The following ARID4B variants were observed in gnomAD, a reference collection of about 807,000 sequenced individuals.
ARID4B encodes the protein AT-rich interactive domain-containing protein 4B.
A neutral mutation model predicts 147.5 loss-of-function variants in ARID4B; 26 were observed. The observed-to-expected ratio is 0.18, with a 90% CI of 0.13 to 0.24. The LOEUF (loss-of-function observed/expected upper bound fraction) is 0.24, where lower values mean the gene tolerates loss of function less well. Ranked by LOEUF, ARID4B falls within the 10% of genes least tolerant of loss-of-function variation. ARID4B has a pLI of 1.00. For missense variants in ARID4B, 1,179 were observed against 1,511.5 expected (o/e 0.78, Z 3.65); for synonymous variants, 512 against 507.9 (o/e 1.01, Z -0.11).
intron 2 of ARID4B, among the ~76,000 whole-genome samples, chr1:235,277,633 T>C (rs1671421427): frequency 8.7e-6 from 1 of 114,770 alleles, no homozygotes. Context: ...TGTGTGTGTG[T>C]GTGTGTGTTT....
chr1:235,235,611 CAAGGTGAAGCTTTA>C (rs1273198110), intron 8 of ARID4B, among the ~76,000 whole-genome samples: 1 of 151,994 alleles, frequency 6.6e-6, no homozygotes, highest in Non-Finnish European at 1.5e-5. Context: ...GCTATCTCTG[CAAGGTGAAGCTTTA>C]AAAGGAGATG....
At position 235,175,367 on chromosome 1, in the gene ARID4B, C is replaced by T; in HGVS notation, c.3481G>A (p.Gly1161Ser). The T allele has an allele frequency of 6.2e-7, 1 of 1,614,002 alleles. No homozygotes were observed. Among genetic ancestry groups the T allele is most frequent in the Non-Finnish European group, 8.5e-7 (1 of 1,179,928 alleles). The change falls in exon 22 of 24, where the codon GGT (glycine) becomes AGT (serine). Residue 1161 changes from glycine (G) to serine (S), a missense_variant. Transcript: ENST00000264183. ...NSSDSEELSA[G>S]ESITKSQPVK... ...GGCTGACTCTTAGTTATACTTTCAC[C>T]AGCTGAAAGTTCTTCACTATCACTA... is the stretch of plus-strand genomic sequence containing the variant.
chr1:235,231,959 G>C (rs1041494012), intron 9 of ARID4B, among the ~76,000 whole-genome samples: 2 of 152,126 alleles, frequency 1.3e-5, no homozygotes, highest in African/African-American at 4.8e-5. Context: ...AACTAAAAAA[G>C]TAAGCAAAGA....
At chr1:235,298,570 C>G (rs1202167953) in intron 2 of ARID4B, among the ~76,000 whole-genome samples, 2 of 147,512 alleles carry the variant, frequency 1.4e-5, no homozygotes, top group African/African-American at 5.0e-5. Context: ...TTATATATAT[C>G]CATATATATG....
chr1:235,224,833 GC>G, intron 11 of ARID4B, 58 bp from the exon 12 acceptor site: 1 of 1,228,642 alleles, frequency 8.1e-7, no homozygotes, highest in South Asian at 1.3e-5. Context: ...AATAAAACAA[GC>G]AGATTTCTTA....
At chr1:235,202,454 TAACAA>T (rs1666008451) in intron 17 of ARID4B, among the ~76,000 whole-genome samples, 2 of 150,352 alleles carry the variant, frequency 1.3e-5, no homozygotes, top group South Asian at 2.1e-4. Context: ...AACATTCAAC[TAACAA>T]AACATAAAAT....
At chr1:235,202,326 T>C (rs926621062) in intron 17 of ARID4B, among the ~76,000 whole-genome samples, 2 of 151,936 alleles carry the variant, frequency 1.3e-5, no homozygotes, top group African/African-American at 4.8e-5. Flanking sequence ...TCAATGTAAT[T>C]AATTCTACAG....
At chr1:235,181,025 G>T in intron 20 of ARID4B, 1 of 735,590 alleles carries the variant, frequency 1.4e-6, no homozygotes, top group Non-Finnish European at 1.7e-6. Context: ...CCTTCAATTT[G>T]GAAGCTATGC....
At chr1:235,257,377 A>C in intron 3 of ARID4B, 152 bp from the exon 4 acceptor site, 3 of 559,698 alleles carry the variant, frequency 5.4e-6, no homozygotes, top group Non-Finnish European at 9.4e-6. Flanking sequence ...TAACTAAAAA[A>C]TTATTTACAG....
At chr1:235,291,956 A>T (rs1672366075) in intron 2 of ARID4B, among the ~76,000 whole-genome samples, 1 of 152,212 alleles carries the variant, frequency 6.6e-6, no homozygotes, top group African/African-American at 2.4e-5. Context: ...CAATGACTGT[A>T]CAGAAAGAAG....
At chr1:235,241,413 A>G (rs1487683289) in intron 7 of ARID4B, among the ~76,000 whole-genome samples, 1 of 152,242 alleles carries the variant, frequency 6.6e-6, no homozygotes, top group African/African-American at 2.4e-5. Context: ...TTAGTATACT[A>G]TCTAGTATAC....
At chr1:235,314,201 A>G (rs570285336) in intron 2 of ARID4B, among the ~76,000 whole-genome samples, 1 of 152,128 alleles carries the variant, frequency 6.6e-6, no homozygotes, top group Non-Finnish European at 1.5e-5. Context: ...TTCAATCCCA[A>G]ACAGTCTTGA....
At chr1:235,267,649 G>A (rs747517615) in intron 2 of ARID4B, among the ~76,000 whole-genome samples, 10 of 152,204 alleles carry the variant, frequency 6.6e-5, no homozygotes, top group Admixed American at 1.3e-4. Flanking sequence ...TGGCTAACCC[G>A]GTGAAACCCC....
At chr1:235,215,001 C>A (rs1158875661) in intron 16 of ARID4B, among the ~76,000 whole-genome samples, 2 of 151,918 alleles carry the variant, frequency 1.3e-5, no homozygotes, top group Non-Finnish European at 2.9e-5. Context: ...ACCACCACAC[C>A]CAGCTAATTT....
chr1:235,302,276 G>GAGGA (rs1375812190), intron 2 of ARID4B, among the ~76,000 whole-genome samples: 2 of 139,780 alleles, frequency 1.4e-5, no homozygotes, highest in Middle Eastern at 3.4e-3. Context: ...GGGAGGGAGG[G>GAGGA]GAGGAAGGAA....
At chr1:235,212,853 C>G (rs1010300667) in intron 17 of ARID4B, among the ~76,000 whole-genome samples, 2 of 152,062 alleles carry the variant, frequency 1.3e-5, no homozygotes, top group Admixed American at 6.5e-5. Flanking sequence ...CTTCCCAAAC[C>G]ACAGAATATA....
intron 14 of ARID4B, among the ~76,000 whole-genome samples, chr1:235,220,882 CTTTT>C (rs1558216191): frequency 5.2e-5 from 6 of 115,434 alleles, no homozygotes; most frequent in South Asian, 3.4e-4. Context: ...CAGCAGCATC[CTTTT>C]TTTGTTTTTT....
intron 17 of ARID4B, among the ~76,000 whole-genome samples, chr1:235,210,071 T>TA (rs1464801116): frequency 6.6e-6 from 1 of 151,716 alleles, no homozygotes; most frequent in Non-Finnish European, 1.5e-5. Context: ...CTACAAAAGA[T>TA]AAAAAATTAG....
At chr1:235,280,104 C>T (rs1671572946) in intron 2 of ARID4B, among the ~76,000 whole-genome samples, 1 of 152,148 alleles carries the variant, frequency 6.6e-6, no homozygotes, top group Admixed American at 6.5e-5. Context: ...TGGAAATATC[C>T]AACACATTCT....
Sources: allele counts gnomAD v4.1 joint callset (sites outside exome capture counted in the v4.1 genomes callset), GRCh38; gene constraint gnomAD v4.1.1; transcripts MANE v1.5; gene names NCBI Gene and HGNC (gene_info 2026-07-23, HGNC 2026-07-21).